CSMD1: variants seen among roughly 807,000 people sequenced by gnomAD.
CSMD1 encodes the protein CUB and Sushi multiple domains 1.
In CSMD1, 213 loss-of-function variants were observed where a neutral mutation model predicts 417.5. That is an observed-to-expected ratio of 0.51 (90% CI 0.46 to 0.57). The LOEUF is 0.57. Among genes scored for constraint, CSMD1 ranks in the 20% least tolerant of loss-of-function variants. The probability of loss-of-function intolerance (pLI) is 0.00; values close to 1 mark genes in which losing one functional copy is unlikely to be tolerated. For missense variants in CSMD1, 6,923 were observed against 4,529.7 expected (o/e 1.53, Z -15.17); for synonymous variants, 2,862 against 1,736.8 (o/e 1.65, Z -16.11).
intron 5 of CSMD1, among the ~76,000 whole-genome samples, chr8:3,949,272 T>C (rs2740868): frequency 0.87 from 132,033 of 152,092 alleles, 57,425 homozygotes; most frequent in African/African-American, 0.91. Context: ...ACTACAGCTA[T>C]CATGTTGTAC....
chr8:4,369,409 T>A (rs1802274475), intron 3 of CSMD1, among the ~76,000 whole-genome samples: 1 of 152,206 alleles, frequency 6.6e-6, no homozygotes, highest in Non-Finnish European at 1.5e-5. Flanking sequence ...AAGAAGAAAG[T>A]ATATTCTATC....
At chr8:4,139,764 C>A (rs1803669044) in intron 3 of CSMD1, among the ~76,000 whole-genome samples, 1 of 151,092 alleles carries the variant, frequency 6.6e-6, no homozygotes, top group African/African-American at 2.5e-5. Context: ...AGGGCACAAT[C>A]ACTTAGATGT....
chr8:3,450,555 T>C (rs1403931964), intron 12 of CSMD1, among the ~76,000 whole-genome samples: 3 of 148,688 alleles, frequency 2.0e-5, no homozygotes, highest in East Asian at 4.2e-4. Flanking sequence ...AATGAGAACA[T>C]GCAGTGTTTG....
At chr8:4,723,323 C>T (rs930818099) in intron 1 of CSMD1, among the ~76,000 whole-genome samples, 6 of 152,136 alleles carry the variant, frequency 3.9e-5, no homozygotes, top group African/African-American at 1.4e-4. Flanking sequence ...AGGATTGATA[C>T]CCGGGAGTTA....
intron 32 of CSMD1, 120 bp downstream of exon 32, chr8:3,201,492 C>G: frequency 2.0e-6 from 1 of 505,806 alleles, no homozygotes. Flanking sequence ...AGCACACACG[C>G]AAATTCAAAA....
At chr8:3,753,891 T>C (rs1797504963) in intron 6 of CSMD1, 39 bp downstream of exon 6, 2 of 1,401,628 alleles carry the variant, frequency 1.4e-6, no homozygotes, top group African/African-American at 2.9e-5. Context: ...TATATTACGC[T>C]CTGTTTTTTT....
intron 12 of CSMD1, among the ~76,000 whole-genome samples, chr8:3,441,377 CAT>C (rs1420556900): frequency 2.6e-5 from 4 of 151,990 alleles, no homozygotes; most frequent in South Asian, 2.1e-4. Flanking sequence ...CTGATATAAA[CAT>C]GTGATTTTTC....
At chr8:3,871,394 G>T (rs549631052) in intron 5 of CSMD1, among the ~76,000 whole-genome samples, 1 of 151,916 alleles carries the variant, frequency 6.6e-6, no homozygotes, top group African/African-American at 2.4e-5. Context: ...ACTTGCATTG[G>T]TTTCTTCAAC....
At chr8:3,643,800 G>T (rs546869175) in intron 7 of CSMD1, among the ~76,000 whole-genome samples, 9 of 151,740 alleles carry the variant, frequency 5.9e-5, no homozygotes, top group Non-Finnish European at 1.2e-4. Context: ...ATACAGAGAA[G>T]GGGAGGAATC....
At chr8:4,068,176 G>A (rs544086682) in intron 3 of CSMD1, among the ~76,000 whole-genome samples, 1 of 152,202 alleles carries the variant, frequency 6.6e-6, no homozygotes, top group Non-Finnish European at 1.5e-5. Flanking sequence ...GTTTTCTTAG[G>A]AAAGGGGTGG....
intron 3 of CSMD1, among the ~76,000 whole-genome samples, chr8:4,197,920 A>G (rs1012730481): frequency 6.6e-6 from 1 of 152,174 alleles, no homozygotes; most frequent in Non-Finnish European, 1.5e-5. Flanking sequence ...TCATCTATTC[A>G]TTCATTTAGT....
chr8:4,208,173 T>G (rs966965873), intron 3 of CSMD1, among the ~76,000 whole-genome samples: 6 of 152,160 alleles, frequency 3.9e-5, no homozygotes, highest in African/African-American at 9.6e-5. Context: ...GCTAAGGTGT[T>G]AGAAATGAAA....
At chr8:4,437,898 A>C (rs569698520) in intron 2 of CSMD1, among the ~76,000 whole-genome samples, 7 of 151,786 alleles carry the variant, frequency 4.6e-5, no homozygotes, top group Non-Finnish European at 8.8e-5. Context: ...CTCACCTGAG[A>C]AGCCGGCTCT....
At chr8:3,661,149 C>T (rs181962811) in intron 7 of CSMD1, among the ~76,000 whole-genome samples, 4 of 152,294 alleles carry the variant, frequency 2.6e-5, no homozygotes, top group East Asian at 3.9e-4. Context: ...TCCGTACTTT[C>T]GTATATGACT....
chr8:4,101,676 A>C (rs553585588), intron 3 of CSMD1, among the ~76,000 whole-genome samples: 2 of 152,342 alleles, frequency 1.3e-5, no homozygotes, highest in South Asian at 2.1e-4. Context: ...GAATTTATGA[A>C]AGTGATGGTA....
chr8:4,603,685 A>G (rs986489732), intron 2 of CSMD1, among the ~76,000 whole-genome samples: 7 of 152,162 alleles, frequency 4.6e-5, no homozygotes, highest in Admixed American at 1.3e-4. Context: ...CATTAAAAAC[A>G]GTGATTTTCT....
At chr8:4,151,058 C>G (rs1796548481) in intron 3 of CSMD1, among the ~76,000 whole-genome samples, 1 of 152,142 alleles carries the variant, frequency 6.6e-6, no homozygotes, top group South Asian at 2.1e-4. Context: ...GAGGAGCCTA[C>G]AGCTAAGTTT....
At chr8:3,392,579 T>C (rs1811415672) in intron 17 of CSMD1, among the ~76,000 whole-genome samples, 1 of 152,012 alleles carries the variant, frequency 6.6e-6, no homozygotes, top group African/African-American at 2.4e-5. Context: ...GCCTGTGGGT[T>C]TTCTCTCTCC....
At chr8:3,502,099 T>A (rs925614349) in intron 10 of CSMD1, among the ~76,000 whole-genome samples, 1 of 152,122 alleles carries the variant, frequency 6.6e-6, no homozygotes, top group African/African-American at 2.4e-5. Context: ...TAAAAACGTA[T>A]GTCCACACAA....
Sources: allele counts gnomAD v4.1 joint callset (sites outside exome capture counted in the v4.1 genomes callset), GRCh38; gene constraint gnomAD v4.1.1; transcripts MANE v1.5; gene names NCBI Gene and HGNC (gene_info 2026-07-23, HGNC 2026-07-21).